Variants in MYO9B observed in about 807,000 individuals in gnomAD.
MYO9B encodes the protein unconventional myosin-IXb.
A neutral mutation model predicts 229.5 loss-of-function variants in MYO9B; 71 were observed. The ratio of observed to expected loss-of-function variants is 0.31; its 90% CI spans 0.26 to 0.38. MYO9B has a LOEUF of 0.38. Among genes scored for constraint, MYO9B ranks in the 10% least tolerant of loss-of-function variants. The pLI, the probability that MYO9B is intolerant of heterozygous loss-of-function variation, is 1.00. For missense variants in MYO9B, 2,255 were observed against 2,920.5 expected (o/e 0.77, Z 5.25); for synonymous variants, 1,185 against 1,235.8 (o/e 0.96, Z 0.86).
intron 11 of MYO9B, 64 bp downstream of exon 11, chr19:17,168,128 G>GC (rs1320601625): frequency 6.3e-7 from 1 of 1,578,154 alleles, no homozygotes; most frequent in Non-Finnish European, 8.6e-7. Context: ...AGGTTCTGCA[G>GC]CCCCCAGAGC....
At chr19:17,177,060 G>C (rs773678741) in intron 14 of MYO9B, among the ~76,000 whole-genome samples, 34 of 152,174 alleles carry the variant, frequency 2.2e-4, no homozygotes, top group African/African-American at 7.9e-4. Flanking sequence ...AATTAGCCAG[G>C]CGTGGTGGCG....
intron 3 of MYO9B, among the ~76,000 whole-genome samples, chr19:17,150,182 G>A (rs931309018): frequency 5.3e-5 from 8 of 152,106 alleles, no homozygotes; most frequent in Non-Finnish European, 1.2e-4. Context: ...GGAGTGATGC[G>A]GTGGATCACC....
chr19:17,188,576 G>A (rs1478897708), intron 19 of MYO9B, among the ~76,000 whole-genome samples: 1 of 152,074 alleles, frequency 6.6e-6, no homozygotes, highest in African/African-American at 2.4e-5. Flanking sequence ...AATGTAATGT[G>A]CCTCTTTTCT....
chr19:17,084,532 T>C (rs1450386200), intron 1 of MYO9B, among the ~76,000 whole-genome samples: 6 of 151,750 alleles, frequency 4.0e-5, no homozygotes, highest in African/African-American at 7.3e-5. Flanking sequence ...CTCAACCTTC[T>C]TCATGTTGGT....
intron 2 of MYO9B, among the ~76,000 whole-genome samples, chr19:17,109,292 C>G (rs1032994180): frequency 3.7e-4 from 56 of 150,614 alleles, no homozygotes; most frequent in African/African-American, 1.3e-3. Flanking sequence ...GTCTCGATCT[C>G]CTGACCTCGT....
rs1460234785 is a variant in MYO9B, at chr19:17,200,765, C to G, written c.4499C>G (p.Ser1500Trp). 6.2e-7 allele frequency: 1 copy of G among 1,613,846 alleles called. No individual in the cohort carries two copies. The highest frequency in any genetic ancestry group is 2.2e-5 in the East Asian group (1 of 44,898). The change falls in exon 26 of 40, where the codon TCG (serine) becomes TGG (tryptophan). Residue 1500 changes from serine (S) to tryptophan (W), a missense_variant. Physicochemically the swap from Ser to Trp is radical, Grantham distance 177. Around this residue, in one of 7 missense-constraint regions of MYO9B, gnomAD observed 416 missense variants for 605.5 expected, o/e 0.69. Coordinates refer to ENST00000682292, the MANE Select transcript of MYO9B (RefSeq NM_004145.4). ...ACAGTGTCAGAGAAGTGGCGGGAAT[C>G]GGTGTTCCGCCAGATCACCAACGCC... ...KITVSEKWRE[S>W]VFRQITNANE...
intron 2 of MYO9B, among the ~76,000 whole-genome samples, chr19:17,142,662 C>T (rs2072356551): frequency 1.3e-5 from 2 of 152,112 alleles, no homozygotes; most frequent in African/African-American, 4.8e-5. Context: ...TCTGTTGCAA[C>T]ACAATTGAAT....
chr19:17,112,457 C>T (rs2057856568), intron 2 of MYO9B, among the ~76,000 whole-genome samples: 1 of 152,166 alleles, frequency 6.6e-6, no homozygotes, highest in Non-Finnish European at 1.5e-5. Context: ...GGCCGGCTGG[C>T]GGGGGCCCTG....
chr19:17,119,562 C>A (rs11086053), intron 2 of MYO9B, among the ~76,000 whole-genome samples: 122,990 of 152,116 alleles, frequency 0.81, 52,609 homozygotes, highest in Non-Finnish European at 0.94. Flanking sequence ...AGAGATGCCC[C>A]GTGGTTCATA....
chr19:17,132,138 G>A (rs36103809), intron 2 of MYO9B, among the ~76,000 whole-genome samples: 26,258 of 148,988 alleles, frequency 0.18, 2,575 homozygotes, highest in East Asian at 0.28. Context: ...AAATTGCTGG[G>A]ATTACAGTTG....
chr19:17,102,419 C>T lies in MYO9B; in HGVS notation c.702C>T (p.Cys234=), dbSNP rs1255189966. 1.2e-6 allele frequency: 2 copies of T among 1,613,868 alleles called. No homozygotes were observed. Among genetic ancestry groups the T allele is most frequent in the Non-Finnish European group, 8.5e-7 (1 of 1,179,910 alleles). Residue 234 remains cysteine (C), a synonymous_variant, in exon 2 of 40, where the codon TGC becomes TGT. Coordinates refer to ENST00000682292, the MANE Select transcript of MYO9B (RefSeq NM_004145.4). ...TGCTCAGGAAGCGCGTGAACCAGTG[C>T]ATCGTGATCTCGGGTGAGAGCGGCT... ...YTMLRKRVNQ[C]IVISGESGSG...
chr19:17,160,510 C>CTTTTTTT (rs34857957), intron 8 of MYO9B, among the ~76,000 whole-genome samples: 2 of 128,170 alleles, frequency 1.6e-5, no homozygotes, highest in Admixed American at 1.7e-4. Flanking sequence ...TCTTTTTTTT[C>CTTTTTTT]TTTTTTTTTT....
rs571595772 is a variant in MYO9B at position 17,161,375 on chromosome 19, G to A, written c.1420-975G>A. On this transcript the variant is annotated intron_variant, in intron 8 of 39. Coordinates refer to ENST00000682292, the MANE Select transcript of MYO9B (RefSeq NM_004145.4). ...GTGAAATATGGGTGTTGGATGAGTC[G>A]AGTGTTGACAGAGACCACCTTGGCT... 6.2e-4 allele frequency among the ~76,000 whole-genome samples: 95 copies of A among 152,228 alleles called. 1 individual carries two copies. The highest frequency in any genetic ancestry group is 1.3e-3 in the East Asian group (7 of 5,186).
intron 2 of MYO9B, among the ~76,000 whole-genome samples, chr19:17,132,593 A>G (rs1438513062): frequency 6.9e-6 from 1 of 144,688 alleles, no homozygotes; most frequent in Non-Finnish European, 1.5e-5. Context: ...CAGTGGCGCA[A>G]TCTCGGCTCA....
intron 33 of MYO9B, 108 bp from the exon 34 acceptor site, chr19:17,206,571 G>A: frequency 1.5e-6 from 2 of 1,297,412 alleles, no homozygotes; most frequent in Non-Finnish European, 2.1e-6. Context: ...TTCTTGCCTG[G>A]GCACCACAGG....
At chr19:17,078,580 G>A (rs1600007188) in intron 1 of MYO9B, among the ~76,000 whole-genome samples, 1 of 152,164 alleles carries the variant, frequency 6.6e-6, no homozygotes, top group African/African-American at 2.4e-5. Context: ...TTCAGATCAG[G>A]TCATCAGTAC....
chr19:17,171,504 C>T (rs1351891089), intron 11 of MYO9B, among the ~76,000 whole-genome samples: 1 of 152,206 alleles, frequency 6.6e-6, no homozygotes, highest in African/African-American at 2.4e-5. Flanking sequence ...GAGCTGCCTA[C>T]GATGGGTAAC....
intron 24 of MYO9B, 25 bp from the exon 25 acceptor site, chr19:17,200,268 A>G: frequency 1.3e-6 from 2 of 1,597,382 alleles, no homozygotes; most frequent in South Asian, 1.1e-5. Flanking sequence ...CAGACTTAAA[A>G]GAAGCCACGT....
chr19:17,146,807 A>C (rs2072416717), intron 3 of MYO9B, among the ~76,000 whole-genome samples: 1 of 152,172 alleles, frequency 6.6e-6, no homozygotes, highest in South Asian at 2.1e-4. Context: ...CAAGGCCTGG[A>C]TACTCACAGG....
Sources: allele counts gnomAD v4.1 joint callset (sites outside exome capture counted in the v4.1 genomes callset), GRCh38; gene constraint gnomAD v4.1.1; regional missense constraint gnomAD v4.1.1; transcripts MANE v1.5; gene names NCBI Gene and HGNC (gene_info 2026-07-23, HGNC 2026-07-21).